Variants in GHR observed in about 807,000 individuals in gnomAD.
The protein encoded by GHR is growth hormone receptor.
GHR carries 35 observed loss-of-function variants against 67.1 expected under a neutral mutation model. The observed-to-expected ratio is 0.52, with a 90% CI of 0.40 to 0.69. The LOEUF (loss-of-function observed/expected upper bound fraction) is 0.69. Ranked by LOEUF, GHR falls within the 30% of genes least tolerant of loss-of-function variation. GHR has a pLI of 0.00. For missense variants in GHR, 792 were observed against 764.6 expected (o/e 1.04, Z -0.42); for synonymous variants, 272 against 269.1 (o/e 1.01, Z -0.10).
chr5:42,494,757 G>A (rs1217982381), intron 1 of GHR, among the ~76,000 whole-genome samples: 1 of 152,148 alleles, frequency 6.6e-6, no homozygotes, highest in Non-Finnish European at 1.5e-5. Flanking sequence ...TAAAAGTTCA[G>A]TAGAGACTCT....
intron 1 of GHR, among the ~76,000 whole-genome samples, chr5:42,510,288 T>C (rs1025610201): frequency 2.0e-5 from 3 of 152,226 alleles, no homozygotes; most frequent in African/African-American, 7.2e-5. Flanking sequence ...ACCTGTTCTA[T>C]ATGCTTTTAT....
intron 1 of GHR, among the ~76,000 whole-genome samples, chr5:42,431,747 A>G (rs549714751): frequency 5.2e-4 from 79 of 152,336 alleles, no homozygotes; most frequent in African/African-American, 1.7e-3. Flanking sequence ...AGATAAATCT[A>G]TCTCCAGCTG....
At chr5:42,443,673 C>A (rs1466935698) in intron 1 of GHR, among the ~76,000 whole-genome samples, 2 of 151,892 alleles carry the variant, frequency 1.3e-5, no homozygotes, top group African/African-American at 2.4e-5. Context: ...TATGGAGACT[C>A]GCAAGTTCAA....
At chr5:42,557,921 A>G (rs928855532) in intron 1 of GHR, among the ~76,000 whole-genome samples, 1 of 152,212 alleles carries the variant, frequency 6.6e-6, no homozygotes, top group East Asian at 1.9e-4. Flanking sequence ...CCTAGATAGC[A>G]TCAGTCCCTT....
intron 1 of GHR, among the ~76,000 whole-genome samples, chr5:42,429,142 A>G (rs1400531531): frequency 6.6e-6 from 1 of 152,232 alleles, no homozygotes; most frequent in African/African-American, 2.4e-5. Flanking sequence ...ACAGTTCCAC[A>G]TGGCTGGGAG....
chr5:42,511,309 C>T (rs1747005095), intron 1 of GHR, among the ~76,000 whole-genome samples: 1 of 152,224 alleles, frequency 6.6e-6, no homozygotes, highest in African/African-American at 2.4e-5. Flanking sequence ...CAACAACGTT[C>T]TCTACTTTAC....
At chr5:42,564,336 TATTTGAA>T (rs1418114897) in intron 1 of GHR, among the ~76,000 whole-genome samples, 4 of 150,298 alleles carry the variant, frequency 2.7e-5, no homozygotes, top group African/African-American at 7.4e-5. Flanking sequence ...GTGTGAGATT[TATTTGAA>T]ATCTCACAAT....
chr5:42,463,760 G>A (rs1052927735), intron 1 of GHR, among the ~76,000 whole-genome samples: 8 of 151,882 alleles, frequency 5.3e-5, no homozygotes, highest in Non-Finnish European at 8.8e-5. Flanking sequence ...TTGGGAGGCC[G>A]AGGCGGGTGG....
chr5:42,692,308 G>C (rs1757456249), intron 4 of GHR, among the ~76,000 whole-genome samples: 1 of 151,756 alleles, frequency 6.6e-6, no homozygotes, highest in African/African-American at 2.4e-5. Flanking sequence ...TATTTTTAAT[G>C]ATAGTCTCTT....
At chr5:42,565,321 T>C (rs1749863079) in intron 1 of GHR, 1 of 313,898 alleles carries the variant, frequency 3.2e-6, no homozygotes, top group Non-Finnish European at 4.6e-6. Flanking sequence ...CCCTCCTTCT[T>C]TCTGCTTCCC....
intron 1 of GHR, among the ~76,000 whole-genome samples, chr5:42,480,600 G>A (rs1222078550): frequency 6.6e-6 from 1 of 152,198 alleles, no homozygotes; most frequent in African/African-American, 2.4e-5. Context: ...ATTTAGGATA[G>A]TTAGCTCTTC....
chr5:42,590,157 C>G (rs1260512026), intron 2 of GHR, among the ~76,000 whole-genome samples: 2 of 152,172 alleles, frequency 1.3e-5, no homozygotes, highest in African/African-American at 2.4e-5. Flanking sequence ...GCTCTTTACT[C>G]TCAATTATAG....
chr5:42,673,846 A>C (rs1003478861), intron 3 of GHR, among the ~76,000 whole-genome samples: 13 of 152,168 alleles, frequency 8.5e-5, no homozygotes, highest in African/African-American at 3.1e-4. Flanking sequence ...TGATGGGATC[A>C]ATCATACCCC....
At chr5:42,702,638 G>GT (rs1270423534) in intron 6 of GHR, among the ~76,000 whole-genome samples, 1 of 151,784 alleles carries the variant, frequency 6.6e-6, no homozygotes, top group Non-Finnish European at 1.5e-5. Flanking sequence ...TCCATAGAGG[G>GT]TATACTAATT....
Position 42,649,321 on chromosome 5 carries a change from A to G in GHR, c.136+20218A>G, listed in dbSNP as rs58451194. Reference sequence around the variant, plus strand: ...AACATAAGGGAAAACTATATACCCAACCCAAAAGCTGAGATTCTTCAGAAC... The same window carrying G: ...AACATAAGGGAAAACTATATACCCAGCCCAAAAGCTGAGATTCTTCAGAAC... On this transcript the variant is annotated intron_variant, in intron 3 of 9. Transcript: ENST00000230882. Among the ~76,000 whole-genome samples the G allele has an allele frequency of 5.2e-3, 796 of 152,304 alleles. 3 individuals carry two copies. The highest frequency in any genetic ancestry group is 0.019 in the African/African-American group (771 of 41,562).
chr5:42,664,090 A>G (rs1211377718), intron 3 of GHR, among the ~76,000 whole-genome samples: 1 of 152,190 alleles, frequency 6.6e-6, no homozygotes, highest in Non-Finnish European at 1.5e-5. Flanking sequence ...AATGAAATAA[A>G]AGAGGATACA....
intron 2 of GHR, chr5:42,619,801 C>T (rs541358789): frequency 4.1e-4 from 62 of 152,236 alleles, no homozygotes; most frequent in African/African-American, 1.1e-3. Context: ...GGGAAAAATA[C>T]ACCTTAAAAC....
chr5:42,666,071 A>C (rs1755959187), intron 3 of GHR, among the ~76,000 whole-genome samples: 1 of 152,132 alleles, frequency 6.6e-6, no homozygotes, highest in Non-Finnish European at 1.5e-5. Context: ...AAACCATATC[A>C]CCATGACATA....
At chr5:42,704,732 A>G (rs1028810737) in intron 6 of GHR, among the ~76,000 whole-genome samples, 2 of 151,620 alleles carry the variant, frequency 1.3e-5, no homozygotes, top group African/African-American at 4.8e-5. Flanking sequence ...GGTTTATTAG[A>G]TTTTCTATTT....
Sources: gnomAD v4.1 joint callset for allele counts (sites outside exome capture counted in the v4.1 genomes callset) on GRCh38, gnomAD v4.1.1 for gene constraint, MANE v1.5 for transcripts, NCBI Gene and HGNC (gene_info 2026-07-23, HGNC 2026-07-21) for gene names.